Variants in GOLM1 observed in about 807,000 individuals in gnomAD.
GOLM1 encodes the protein golgi membrane protein 1.
GOLM1 carries 31 observed loss-of-function variants against 50.5 expected under a neutral mutation model. That is an observed-to-expected ratio of 0.61 (90% CI 0.46 to 0.83). The LOEUF is 0.83. Ranked by LOEUF, GOLM1 falls within the 40% of genes least tolerant of loss-of-function variation. The pLI is 0.00. For synonymous variants in GOLM1, 178 were observed against 192.8 expected (o/e 0.92, Z 0.64); for missense variants, 491 against 501.3 (o/e 0.98, Z 0.20).
At chr9:86,040,505 C>T (rs1427774734) in intron 6 of GOLM1, among the ~76,000 whole-genome samples, 2 of 152,132 alleles carry the variant, frequency 1.3e-5, no homozygotes, top group East Asian at 1.9e-4. Flanking sequence ...TGGCTGCGAG[C>T]TTTAAATACG....
Position 86,027,810 on chromosome 9 carries a change from G to A in GOLM1, c.*7C>T. ...CCCTGTTGTGAAATATGTGATTCCAGTTCAATTCAGAGTGTATGATTCCGC... is the reference window on the plus strand; with the variant it reads ...CCCTGTTGTGAAATATGTGATTCCAATTCAATTCAGAGTGTATGATTCCGC... On this transcript the variant is annotated 3_prime_UTR_variant, in exon 10 of 10. Transcript: ENST00000388712. The A allele has an allele frequency of 6.2e-7, 1 of 1,612,292 alleles. No homozygotes were observed. Among genetic ancestry groups the A allele is most frequent in the South Asian group, 1.1e-5 (1 of 90,856 alleles).
intron 6 of GOLM1, among the ~76,000 whole-genome samples, chr9:86,039,515 A>G (rs1254230742): frequency 6.6e-6 from 1 of 152,230 alleles, no homozygotes; most frequent in East Asian, 1.9e-4. Context: ...CATTATTCAT[A>G]ATAGCCAAAA....
At chr9:86,068,172 T>G (rs1348217639) in intron 3 of GOLM1, among the ~76,000 whole-genome samples, 2 of 152,036 alleles carry the variant, frequency 1.3e-5, no homozygotes, top group African/African-American at 4.8e-5. Flanking sequence ...AAGCAGGCCA[T>G]GTGAGGTGGA....
chr9:86,045,766 A>G (rs1321735388), intron 5 of GOLM1, among the ~76,000 whole-genome samples: 1 of 152,160 alleles, frequency 6.6e-6, no homozygotes, highest in Non-Finnish European at 1.5e-5. Context: ...GATGACTGCA[A>G]TTAAGTAAAC....
chr9:86,081,806 T>C (rs371380901), intron 1 of GOLM1, among the ~76,000 whole-genome samples: 1 of 150,968 alleles, frequency 6.6e-6, no homozygotes, highest in East Asian at 2.0e-4. Flanking sequence ...GGAGAAAAGC[T>C]TGAACCCATG....
intron 4 of GOLM1, among the ~76,000 whole-genome samples, chr9:86,049,142 C>T (rs1833653665): frequency 1.3e-5 from 2 of 152,080 alleles, no homozygotes; most frequent in Admixed American, 1.3e-4. Context: ...ATCCTTTCCC[C>T]ATTTCTTTGG....
intron 3 of GOLM1, among the ~76,000 whole-genome samples, chr9:86,068,275 C>T (rs1221416261): frequency 6.6e-6 from 1 of 152,192 alleles, no homozygotes; most frequent in Non-Finnish European, 1.5e-5. Context: ...CTCCCACAGC[C>T]CTGCTGGCAC....
intron 3 of GOLM1, among the ~76,000 whole-genome samples, chr9:86,053,752 A>G (rs886676901): frequency 8.1e-4 from 2 of 2,472 alleles, no homozygotes; most frequent in South Asian, 8.2e-3. Context: ...ACCACACACT[A>G]CTGCACACAC....
intron 5 of GOLM1, among the ~76,000 whole-genome samples, chr9:86,041,272 G>T (rs1587701910): frequency 6.6e-6 from 1 of 152,194 alleles, no homozygotes; most frequent in Admixed American, 6.5e-5. Context: ...TAATAAGGGG[G>T]TCTTGGAGGT....
At chr9:86,074,996 A>C (rs921830750) in intron 3 of GOLM1, among the ~76,000 whole-genome samples, 3 of 152,186 alleles carry the variant, frequency 2.0e-5, no homozygotes, top group African/African-American at 7.2e-5. Flanking sequence ...TACCAAATGG[A>C]GGCGATAATG....
intron 6 of GOLM1, chr9:86,036,800 C>A: frequency 7.9e-6 from 3 of 379,384 alleles, no homozygotes; most frequent in African/African-American, 2.1e-5. Context: ...GGCGGAAGAT[C>A]AACAACAAAA....
chr9:86,034,655 C>T (rs538916829), intron 8 of GOLM1, among the ~76,000 whole-genome samples: 3 of 152,322 alleles, frequency 2.0e-5, no homozygotes, highest in East Asian at 3.9e-4. Flanking sequence ...TTCAGTAAGA[C>T]ACTGAAGTGA....
intron 3 of GOLM1, among the ~76,000 whole-genome samples, chr9:86,054,328 G>A (rs150191365): frequency 3.3e-5 from 5 of 150,544 alleles, no homozygotes; most frequent in East Asian, 4.0e-4. Flanking sequence ...GTGCAATGGC[G>A]CGATCTCCGG....
intron 3 of GOLM1, among the ~76,000 whole-genome samples, chr9:86,059,899 C>CAAAAA (rs139699884): frequency 7.6e-5 from 4 of 52,448 alleles, no homozygotes; most frequent in African/African-American, 1.4e-4. Flanking sequence ...GAGTCTATCT[C>CAAAAA]AAAAAAAAAA....
intron 1 of GOLM1, among the ~76,000 whole-genome samples, chr9:86,089,106 A>C (rs2118892333): frequency 6.6e-6 from 1 of 152,312 alleles, no homozygotes; most frequent in East Asian, 1.9e-4. Flanking sequence ...TCTGGCTTGT[A>C]GGGGTTCTGC....
intron 3 of GOLM1, 59 bp from the exon 4 acceptor site, chr9:86,052,650 G>C (rs377747194): frequency 1.4e-6 from 2 of 1,453,114 alleles, no homozygotes; most frequent in Non-Finnish European, 1.9e-6. Flanking sequence ...CTGACAGCCA[G>C]ATGTGATACA....
intron 3 of GOLM1, among the ~76,000 whole-genome samples, chr9:86,057,006 A>G (rs1834013419): frequency 6.6e-6 from 1 of 151,966 alleles, no homozygotes; most frequent in Admixed American, 6.6e-5. Context: ...TATATATTCT[A>G]CTCTAAACAG....
intron 3 of GOLM1, among the ~76,000 whole-genome samples, chr9:86,073,588 C>T (rs1357371989): frequency 6.6e-6 from 1 of 152,156 alleles, no homozygotes; most frequent in African/African-American, 2.4e-5. Context: ...CAATTGCCCA[C>T]ACTGCTCCCG....
At chr9:86,061,512 T>C (rs185979370) in intron 3 of GOLM1, among the ~76,000 whole-genome samples, 429 of 151,976 alleles carry the variant, frequency 2.8e-3, no homozygotes, top group Non-Finnish European at 5.0e-3. Flanking sequence ...GAAAAACGAG[T>C]AACAGAGAAA....
Sources: gnomAD v4.1 joint callset for allele counts (sites outside exome capture counted in the v4.1 genomes callset) on GRCh38, gnomAD v4.1.1 for gene constraint, MANE v1.5 for transcripts, NCBI Gene and HGNC (gene_info 2026-07-23, HGNC 2026-07-21) for gene names.